The following RBFOX1 variants were observed in gnomAD, a reference collection of about 807,000 sequenced individuals.
RBFOX1 encodes the protein RNA binding fox-1 homolog 1, also known as RNA binding protein fox-1 homolog 1.
RBFOX1 carries 8 observed loss-of-function variants against 57.7 expected under a neutral mutation model. The ratio of observed to expected loss-of-function variants is 0.14; its 90% CI spans 0.08 to 0.25. RBFOX1 has a LOEUF of 0.25. RBFOX1 is among the 10% of genes least tolerant of loss of function. The pLI, the probability that RBFOX1 is intolerant of heterozygous loss-of-function variation, is 1.00. For missense variants in RBFOX1, 611 were observed against 548.5 expected (o/e 1.11, Z -1.14); for synonymous variants, 326 against 222.4 (o/e 1.47, Z -4.15).
chr16:5,460,864 C>T (rs1340012490), intron 1 of RBFOX1, among the ~76,000 whole-genome samples: 1 of 152,196 alleles, frequency 6.6e-6, no homozygotes, highest in African/African-American at 2.4e-5. Flanking sequence ...GAGCACATCA[C>T]CTGGCTGGCA....
intron 3 of RBFOX1, among the ~76,000 whole-genome samples, chr16:5,774,378 G>T (rs945925174): frequency 1.3e-5 from 2 of 152,214 alleles, no homozygotes; most frequent in Non-Finnish European, 2.9e-5. Context: ...GATAGGAGTT[G>T]CTGTTTTAGT....
chr16:6,437,101 A>G (rs540569465), intron 2 of RBFOX1, among the ~76,000 whole-genome samples: 1 of 152,334 alleles, frequency 6.6e-6, no homozygotes, highest in Non-Finnish European at 1.5e-5. Context: ...CCAAATTAAT[A>G]GGCGATCGTT....
intron 4 of RBFOX1, among the ~76,000 whole-genome samples, chr16:7,101,797 C>G (rs2062741628): frequency 6.6e-6 from 1 of 152,082 alleles, no homozygotes; most frequent in Non-Finnish European, 1.5e-5. Flanking sequence ...TAGAATGTGG[C>G]AAATGCTCAG....
intron 1 of RBFOX1, among the ~76,000 whole-genome samples, chr16:5,388,635 G>C (rs1471453195): frequency 2.6e-5 from 4 of 151,860 alleles, no homozygotes; most frequent in Non-Finnish European, 5.9e-5. Context: ...AGAGTGGCGT[G>C]GTATGATCTC....
chr16:7,644,764 C>G (rs1414091608), intron 11 of RBFOX1, among the ~76,000 whole-genome samples: 1 of 152,110 alleles, frequency 6.6e-6, no homozygotes, highest in African/African-American at 2.4e-5. Context: ...TGATAAGAAA[C>G]TAATGGGAAG....
At chr16:7,098,664 G>A (rs1431048801) in intron 4 of RBFOX1, among the ~76,000 whole-genome samples, 1 of 152,078 alleles carries the variant, frequency 6.6e-6, no homozygotes, top group South Asian at 2.1e-4. Context: ...AAATAGTGAT[G>A]ATCTTGGCTG....
intron 2 of RBFOX1, among the ~76,000 whole-genome samples, chr16:6,453,692 C>T (rs1328063987): frequency 6.6e-6 from 1 of 152,168 alleles, no homozygotes; most frequent in East Asian, 1.9e-4. Context: ...ATGGAAGCCC[C>T]TGACTTTCTA....
intron 2 of RBFOX1, among the ~76,000 whole-genome samples, chr16:6,366,883 G>T (rs763400012): frequency 2.0e-5 from 3 of 152,106 alleles, no homozygotes; most frequent in Non-Finnish European, 4.4e-5. Context: ...CTCTCTATTG[G>T]GTCTCATTAT....
chr16:5,406,142 T>A (rs1457846919), intron 1 of RBFOX1, among the ~76,000 whole-genome samples: 2 of 152,244 alleles, frequency 1.3e-5, no homozygotes, highest in Non-Finnish European at 2.9e-5. Context: ...TCATGTAGTG[T>A]GATGGTCATC....
intron 2 of RBFOX1, among the ~76,000 whole-genome samples, chr16:6,627,108 T>G (rs1244006034): frequency 6.6e-6 from 1 of 152,132 alleles, no homozygotes; most frequent in Non-Finnish European, 1.5e-5. Flanking sequence ...GAACACAAAG[T>G]CCTATTGTGC....
chr16:7,545,263 C>T (rs1262582183), intron 5 of RBFOX1, among the ~76,000 whole-genome samples: 1 of 152,034 alleles, frequency 6.6e-6, no homozygotes, highest in Non-Finnish European at 1.5e-5. Context: ...CCTGAAACAG[C>T]AGTTTTCCTT....
Position 6,779,999 on chromosome 16 carries a change from A to ATATATATTTATATATATTTATATATT in RBFOX1, c.-16+125357_-16+125382dup, listed in dbSNP as rs2080334452. 1.1e-4 allele frequency among the ~76,000 whole-genome samples: 2 copies of ATATATATTTATATATATTTATATATT among 18,610 alleles called. 1 individual carries two copies. Among genetic ancestry groups the ATATATATTTATATATATTTATATATT allele is most frequent in the African/African-American group, 5.3e-4 (2 of 3,794 alleles). The allele number at this position is 18,610 out of a possible 152,430, so 12.2% of individuals were successfully genotyped here. A position where few individuals can be genotyped will look rare whatever the true frequency, so the allele number is the denominator to read the frequency against. ...TATATATTTATATATTTATATATTT[A>ATATATATTTATATATATTTATATATT]TATATATTTATATATATTTATATAT... On this transcript the variant is annotated intron_variant, in intron 3 of 15. Coordinates refer to ENST00000550418, the MANE Select transcript of RBFOX1 (RefSeq NM_018723.4).
chr16:6,347,691 A>G (rs1030168612), intron 2 of RBFOX1, among the ~76,000 whole-genome samples: 2 of 152,192 alleles, frequency 1.3e-5, no homozygotes, highest in African/African-American at 4.8e-5. Context: ...ATTATATCCT[A>G]TGTTCACAGA....
chr16:6,701,088 T>C lies in RBFOX1; in HGVS notation c.-16+46438T>C, dbSNP rs537937958. 7.9e-5 allele frequency among the ~76,000 whole-genome samples: 12 copies of C among 151,866 alleles called. No homozygotes were observed. The South Asian group carries it at 1.5e-3, about 18-fold the overall frequency. On this transcript the variant is annotated intron_variant, in intron 3 of 15. Coordinates refer to ENST00000550418, the MANE Select transcript of RBFOX1 (RefSeq NM_018723.4). Reference sequence around the variant, plus strand: ...AGCCTGGAAAGCCTCAGCTGACCCATTGGGGAGCTCCAGAGGTGAAGAGTT... The same window carrying C: ...AGCCTGGAAAGCCTCAGCTGACCCACTGGGGAGCTCCAGAGGTGAAGAGTT...
At chr16:7,132,096 A>G (rs562105120) in intron 4 of RBFOX1, among the ~76,000 whole-genome samples, 5 of 150,822 alleles carry the variant, frequency 3.3e-5, no homozygotes, top group South Asian at 2.1e-4. Context: ...GGCTGAAGCA[A>G]TTCTCCTGAC....
At chr16:6,988,466 A>G (rs1202168663) in intron 3 of RBFOX1, among the ~76,000 whole-genome samples, 4 of 152,208 alleles carry the variant, frequency 2.6e-5, no homozygotes, top group African/African-American at 7.2e-5. Context: ...TAAAAAGTCG[A>G]TTGCCTGTTG....
At chr16:7,401,711 C>T (rs1413861844) in intron 4 of RBFOX1, among the ~76,000 whole-genome samples, 2 of 152,068 alleles carry the variant, frequency 1.3e-5, no homozygotes, top group Non-Finnish European at 2.9e-5. Flanking sequence ...TTGAGGATGA[C>T]AGTGAGGTAA....
chr16:6,875,395 G>C (rs750378694), intron 3 of RBFOX1, among the ~76,000 whole-genome samples: 10 of 152,126 alleles, frequency 6.6e-5, no homozygotes, highest in African/African-American at 1.2e-4. Context: ...CTCTGAAGCT[G>C]GTAGTGGTTT....
intron 2 of RBFOX1, among the ~76,000 whole-genome samples, chr16:5,477,497 C>A (rs998362583): frequency 6.6e-6 from 1 of 152,130 alleles, no homozygotes; most frequent in African/African-American, 2.4e-5. Flanking sequence ...ATTTGGGAAA[C>A]GATCTTACTT....
Sources: allele counts gnomAD v4.1 joint callset (sites outside exome capture counted in the v4.1 genomes callset), GRCh38; gene constraint gnomAD v4.1.1; transcripts MANE v1.5; gene names NCBI Gene and HGNC (gene_info 2026-07-23, HGNC 2026-07-21).